Variants in TSPAN9 observed in about 807,000 individuals in gnomAD.
TSPAN9 encodes the protein tetraspanin 9, also known as tetraspanin-9.
In TSPAN9, 16 loss-of-function variants were observed where a neutral mutation model predicts 31.0. The observed-to-expected ratio is 0.52, with a 90% confidence interval of 0.35 to 0.78. The LOEUF is 0.78. TSPAN9 is among the 30% of genes least tolerant of loss of function. The pLI is 0.01. For missense variants in TSPAN9, 272 were observed against 312.5 expected (o/e 0.87, Z 0.98); for synonymous variants, 145 against 121.6 (o/e 1.19, Z -1.27).
intron 2 of TSPAN9, among the ~76,000 whole-genome samples, chr12:3,198,413 ACACCAGCACAGCTCAC>A (rs2098368626): frequency 4.4e-5 from 2 of 45,948 alleles, no homozygotes; most frequent in African/African-American, 6.6e-5. Context: ...AGCACAGGTC[ACACCAGCACAGCTCAC>A]CACCAGCACA....
intron 2 of TSPAN9, among the ~76,000 whole-genome samples, chr12:3,098,744 T>TTC (rs1157294142): frequency 1.3e-5 from 2 of 151,736 alleles, no homozygotes; most frequent in African/African-American, 2.4e-5. Flanking sequence ...GTTTTTTTTT[T>TTC]TCTCTCTCTC....
At chr12:3,148,282 G>T (rs2098338229) in intron 2 of TSPAN9, among the ~76,000 whole-genome samples, 1 of 152,182 alleles carries the variant, frequency 6.6e-6, no homozygotes. Context: ...GCCTCATTTT[G>T]CAGCAGATAA....
At chr12:3,122,821 C>T (rs190841888) in intron 2 of TSPAN9, among the ~76,000 whole-genome samples, 1 of 152,274 alleles carries the variant, frequency 6.6e-6, no homozygotes, top group Non-Finnish European at 1.5e-5. Context: ...ACTTGTTTTC[C>T]TACACCTTGG....
Position 3,280,572 on chromosome 12 carries a change from G to A in TSPAN9, c.432+89G>A. 8.1e-7 allele frequency: 1 copy of A among 1,241,484 alleles called. No individual in the cohort carries two copies. The highest frequency in any genetic ancestry group is 1.3e-5 in the South Asian group (1 of 77,412). 76.9% of individuals were successfully genotyped at this position (1,241,484 alleles called of 1,614,324 possible). A position where few individuals can be genotyped will look rare whatever the true frequency, so the allele number is the denominator to read the frequency against. On this transcript the variant is annotated intron_variant, in intron 6 of 8. Coordinates refer to ENST00000011898, the MANE Select transcript of TSPAN9 (RefSeq NM_006675.5). The surrounding 1 kb of genome is among the most constrained non-coding windows in gnomAD (Gnocchi z 4.5). ...CTGCCTTCCCCGGTGACCTGGCCGGGCACCTGTGCTTTCTGGATTTTAGCC... is the reference window on the plus strand; with the variant it reads ...CTGCCTTCCCCGGTGACCTGGCCGGACACCTGTGCTTTCTGGATTTTAGCC...
At chr12:3,163,264 C>T (rs986286329) in intron 2 of TSPAN9, among the ~76,000 whole-genome samples, 1 of 152,232 alleles carries the variant, frequency 6.6e-6, no homozygotes, top group East Asian at 1.9e-4. Context: ...TGTTCAAGGG[C>T]CAGCTTAAAT....
chr12:3,105,748 TCA>T (rs367818280), intron 2 of TSPAN9, among the ~76,000 whole-genome samples: 22 of 105,788 alleles, frequency 2.1e-4, no homozygotes, highest in East Asian at 5.6e-4. Context: ...ACACACACAC[TCA>T]CACACACGCA....
chr12:3,141,090 G>A (rs996389285), intron 2 of TSPAN9, among the ~76,000 whole-genome samples: 13 of 152,040 alleles, frequency 8.6e-5, no homozygotes, highest in East Asian at 3.9e-4. Context: ...AGGACCACGG[G>A]GCTTTGAGGT....
At chr12:3,254,233 G>A (rs961633671) in intron 3 of TSPAN9, among the ~76,000 whole-genome samples, 3 of 152,162 alleles carry the variant, frequency 2.0e-5, no homozygotes, top group Non-Finnish European at 4.4e-5. Context: ...TGTTTTATTG[G>A]GGTCAGGTGC....
intron 3 of TSPAN9, among the ~76,000 whole-genome samples, chr12:3,273,525 A>T (rs753346872): frequency 1.1e-4 from 16 of 152,184 alleles, no homozygotes; most frequent in Non-Finnish European, 1.8e-4. Flanking sequence ...GGGCTAGATT[A>T]TAGCTCAGTC....
At chr12:3,253,572 C>T (rs1862293506) in intron 3 of TSPAN9, among the ~76,000 whole-genome samples, 1 of 152,236 alleles carries the variant, frequency 6.6e-6, no homozygotes, top group Non-Finnish European at 1.5e-5. Flanking sequence ...GTTTGCAGAA[C>T]ATCCTTGTAG....
intron 2 of TSPAN9, among the ~76,000 whole-genome samples, chr12:3,123,349 T>C (rs7956441): frequency 1.1e-3 from 165 of 152,328 alleles, no homozygotes; most frequent in African/African-American, 3.8e-3. Flanking sequence ...CCCTGTAGCT[T>C]GTCCTTAACC....
intron 2 of TSPAN9, among the ~76,000 whole-genome samples, chr12:3,094,273 C>G (rs1380213779): frequency 6.6e-6 from 1 of 152,126 alleles, no homozygotes; most frequent in Non-Finnish European, 1.5e-5. Flanking sequence ...GAGGTAGGGT[C>G]AAGCCACCCC....
At chr12:3,142,090 A>AGG (rs1189422145) in intron 2 of TSPAN9, among the ~76,000 whole-genome samples, 1 of 152,150 alleles carries the variant, frequency 6.6e-6, no homozygotes, top group Non-Finnish European at 1.5e-5. Flanking sequence ...TCTATGGAGG[A>AGG]GGAGACCAAG....
At chr12:3,155,646 T>C (rs1307598810) in intron 2 of TSPAN9, among the ~76,000 whole-genome samples, 3 of 152,064 alleles carry the variant, frequency 2.0e-5, no homozygotes. Context: ...GTCTTCCTTT[T>C]CTAGTCCCTT....
At chr12:3,206,789 A>G (rs963461244) in intron 3 of TSPAN9, among the ~76,000 whole-genome samples, 8 of 152,140 alleles carry the variant, frequency 5.3e-5, no homozygotes, top group African/African-American at 1.2e-4. Context: ...GTAGCTGCTT[A>G]ATAGAGCTCC....
chr12:3,104,952 T>C (rs964351979), intron 2 of TSPAN9, among the ~76,000 whole-genome samples: 5 of 152,206 alleles, frequency 3.3e-5, no homozygotes, highest in Admixed American at 1.3e-4. Flanking sequence ...AGGGGGACCC[T>C]GTTCCTGTTG....
intron 2 of TSPAN9, among the ~76,000 whole-genome samples, chr12:3,111,294 C>T (rs1031639191): frequency 3.9e-5 from 6 of 152,174 alleles, no homozygotes; most frequent in Non-Finnish European, 7.3e-5. Context: ...CCCCTTTCGC[C>T]AGCCTCCTTT....
chr12:3,181,468 G>A (rs1182216999), intron 2 of TSPAN9, among the ~76,000 whole-genome samples: 1 of 152,134 alleles, frequency 6.6e-6, no homozygotes, highest in Non-Finnish European at 1.5e-5. Flanking sequence ...GCAGAAAGTG[G>A]AGGTAGGCAG....
intron 2 of TSPAN9, among the ~76,000 whole-genome samples, chr12:3,119,669 G>A (rs1038474759): frequency 2.6e-5 from 4 of 152,196 alleles, no homozygotes; most frequent in African/African-American, 9.7e-5. Context: ...ACCACATCCT[G>A]TGCACCCCGC....
Sources: allele counts gnomAD v4.1 joint callset (sites outside exome capture counted in the v4.1 genomes callset), GRCh38; gene constraint gnomAD v4.1.1; non-coding constraint Gnocchi (gnomAD v3.1); transcripts MANE v1.5; gene names NCBI Gene and HGNC (gene_info 2026-07-23, HGNC 2026-07-21).